The following KATNAL1 variants were observed in gnomAD, a reference collection of about 807,000 sequenced individuals.
KATNAL1 encodes the protein katanin catalytic subunit A1 like 1, also known as katanin p60 ATPase-containing subunit A-like 1.
KATNAL1 carries 32 observed loss-of-function variants against 55.2 expected under a neutral mutation model. That is an observed-to-expected ratio of 0.58 (90% CI 0.44 to 0.78). KATNAL1 has a LOEUF of 0.78. Among genes scored for constraint, KATNAL1 ranks in the 30% least tolerant of loss-of-function variants. The pLI, the probability that KATNAL1 is intolerant of heterozygous loss-of-function variation, is 0.00. For missense variants in KATNAL1, 466 were observed against 600.9 expected (o/e 0.78, Z 2.35); for synonymous variants, 193 against 193.6 (o/e 1.00, Z 0.02).
chr13:30,260,224 A>G (rs558222736), intron 3 of KATNAL1, among the ~76,000 whole-genome samples: 282 of 152,290 alleles, frequency 1.9e-3, no homozygotes, highest in Non-Finnish European at 1.8e-3. Flanking sequence ...CCATCTGTAC[A>G]TCACCATCAT....
chr13:30,226,931 C>T (rs1020297079), intron 9 of KATNAL1, among the ~76,000 whole-genome samples: 20 of 152,158 alleles, frequency 1.3e-4, no homozygotes, highest in Non-Finnish European at 2.6e-4. Context: ...CCAAAATTAG[C>T]TGGGTGTGGT....
intron 9 of KATNAL1, among the ~76,000 whole-genome samples, chr13:30,217,020 T>G (rs1874337053): frequency 1.3e-5 from 2 of 150,922 alleles, no homozygotes; most frequent in African/African-American, 4.9e-5. Flanking sequence ...GAGGACCTAG[T>G]GGTACTGAAG....
intron 2 of KATNAL1, among the ~76,000 whole-genome samples, chr13:30,283,067 A>G (rs745794532): frequency 5.9e-5 from 9 of 151,920 alleles, no homozygotes; most frequent in Non-Finnish European, 1.2e-4. Flanking sequence ...CAGGAATTCA[A>G]GACCAGCCTG....
intron 1 of KATNAL1, among the ~76,000 whole-genome samples, chr13:30,289,704 A>T (rs1279556208): frequency 6.6e-6 from 1 of 152,118 alleles, no homozygotes; most frequent in Non-Finnish European, 1.5e-5. Flanking sequence ...TTCCAAGTCT[A>T]TTTTTTTCAT....
At chr13:30,297,688 A>C (rs1443818147) in intron 1 of KATNAL1, among the ~76,000 whole-genome samples, 2 of 152,256 alleles carry the variant, frequency 1.3e-5, no homozygotes, top group African/African-American at 4.8e-5. Flanking sequence ...TATGGTCTTA[A>C]AAAAGAACAA....
chr13:30,222,496 A>G (rs1874972198), intron 9 of KATNAL1, among the ~76,000 whole-genome samples: 1 of 152,172 alleles, frequency 6.6e-6, no homozygotes, highest in Non-Finnish European at 1.5e-5. Context: ...TGACTAATAC[A>G]AGGTCTCGCA....
intron 6 of KATNAL1, among the ~76,000 whole-genome samples, chr13:30,234,010 T>G (rs932927452): frequency 4.6e-5 from 7 of 152,166 alleles, no homozygotes; most frequent in Non-Finnish European, 1.0e-4. Flanking sequence ...AGGGTGACCA[T>G]AGTTTACAAT....
At chr13:30,262,580 A>T (rs200515) in intron 3 of KATNAL1, among the ~76,000 whole-genome samples, 43,955 of 151,962 alleles carry the variant, frequency 0.29, 7,504 homozygotes, top group Admixed American at 0.44. Context: ...ATCAGAGAAT[A>T]CTATAAACAC....
intron 9 of KATNAL1, among the ~76,000 whole-genome samples, chr13:30,211,636 T>C (rs1873699820): frequency 6.6e-6 from 1 of 152,158 alleles, no homozygotes. Context: ...AATTGACAAT[T>C]CTCCCCCAAT....
intron 4 of KATNAL1, among the ~76,000 whole-genome samples, chr13:30,248,591 T>C (rs1878002916): frequency 6.6e-6 from 1 of 152,164 alleles, no homozygotes; most frequent in African/African-American, 2.4e-5. Flanking sequence ...ACATGGCAAA[T>C]ATCCTGGGAA....
At chr13:30,231,606 T>C (rs1876106175) in intron 6 of KATNAL1, 134 bp from the exon 7 acceptor site, 1 of 509,100 alleles carries the variant, frequency 2.0e-6, no homozygotes, top group Non-Finnish European at 3.2e-6. Context: ...AAAATCATGA[T>C]GCATTTAGTA....
rs753628719 is a variant in KATNAL1 at position 30,210,363 on chromosome 13, G to A, written c.1227C>T (p.Ala409=). ...CACCAGAATAGCCCTCAATCTTCTC[G>A]GCTATATCTTCCAGTTGAATATCAG... ...LDPDIQLEDI[A]EKIEGYSGAD... Residue 409 remains alanine (A), a synonymous_variant, in exon 10 of 11, where the codon GCC becomes GCT. Coordinates refer to ENST00000380615, the MANE Select transcript of KATNAL1 (RefSeq NM_032116.5). 1.2e-5 allele frequency: 20 copies of A among 1,606,334 alleles called. No individual in the cohort carries two copies. Among genetic ancestry groups the A allele is most frequent in the East Asian group, 9.1e-5 (4 of 44,114 alleles).
chr13:30,232,612 C>T (rs974632570), intron 6 of KATNAL1, among the ~76,000 whole-genome samples: 4 of 152,154 alleles, frequency 2.6e-5, no homozygotes, highest in Non-Finnish European at 5.9e-5. Context: ...ATGCCTTTTT[C>T]CATGCTCTCT....
intron 6 of KATNAL1, among the ~76,000 whole-genome samples, chr13:30,234,158 C>T (rs781345553): frequency 1.1e-4 from 16 of 152,076 alleles, no homozygotes; most frequent in South Asian, 2.1e-4. Flanking sequence ...TAAATTATCA[C>T]GAGCCCCAAA....
chr13:30,301,768 ATAAT>A (rs1882870311), intron 1 of KATNAL1, among the ~76,000 whole-genome samples: 1 of 152,264 alleles, frequency 6.6e-6, no homozygotes, highest in African/African-American at 2.4e-5. Context: ...GGTTGCCTAT[ATAAT>A]TAAATACTAC....
rs569180652 is a variant in KATNAL1, at chr13:30,259,042, A to G, written c.324-3427T>C. 6.4e-4 allele frequency among the ~76,000 whole-genome samples: 98 copies of G among 152,366 alleles called. 2 individuals are homozygous for G. Among genetic ancestry groups the G allele is most frequent in the Admixed American group, 8.5e-4 (13 of 15,306 alleles). On this transcript the variant is annotated intron_variant, in intron 3 of 10. Coordinates refer to ENST00000380615, the MANE Select transcript of KATNAL1 (RefSeq NM_032116.5). ...TGAAAGGCACTATGCTATACAACGT[A>G]AAAGGCTGTATTAAGGGTCGGACAC...
chr13:30,274,134 C>G (rs1593928042), intron 3 of KATNAL1, among the ~76,000 whole-genome samples: 1 of 152,332 alleles, frequency 6.6e-6, no homozygotes, highest in South Asian at 2.1e-4. Context: ...CAGAAAGGAA[C>G]TTGCAGGATC....
chr13:30,211,017 G>A (rs1192559731), intron 9 of KATNAL1, among the ~76,000 whole-genome samples: 3 of 152,258 alleles, frequency 2.0e-5, no homozygotes, highest in African/African-American at 7.2e-5. Context: ...ATTTAAATGT[G>A]AACTGAATAA....
chr13:30,262,491 AAG>A (rs954370776), intron 3 of KATNAL1, among the ~76,000 whole-genome samples: 1 of 152,348 alleles, frequency 6.6e-6, no homozygotes, highest in African/African-American at 2.4e-5. Context: ...TAAAGAAGAA[AAG>A]AGAGAAGAAT....
Sources: allele counts gnomAD v4.1 joint callset (sites outside exome capture counted in the v4.1 genomes callset), GRCh38; gene constraint gnomAD v4.1.1; transcripts MANE v1.5; gene names NCBI Gene and HGNC (gene_info 2026-07-23, HGNC 2026-07-21).